Variants in PICALM observed in about 807,000 individuals in gnomAD.
PICALM encodes phosphatidylinositol-binding clathrin assembly protein.
In PICALM, 40 loss-of-function variants were observed where a neutral mutation model predicts 80.5. That is an observed-to-expected ratio of 0.50 (90% confidence interval 0.39 to 0.65). The LOEUF (loss-of-function observed/expected upper bound fraction) is 0.65, where lower values mean the gene tolerates loss of function less well. PICALM is among the 30% of genes least tolerant of loss of function. PICALM has a pLI of 0.00. For missense variants in PICALM, 676 were observed against 778.9 expected, an observed-to-expected ratio of 0.87 and a Z score of 1.57; for synonymous variants, 288 against 260.3, an observed-to-expected ratio of 1.11 and a Z score of -1.02.
Position 85,959,064 on chromosome 11 carries a change from G to A in PICALM, c.1945-4C>T. 2 of 1,545,298 alleles carry A rather than the reference G, an allele frequency of 1.3e-6. No individual in the cohort carries two copies. Among genetic ancestry groups the A allele is most frequent in the South Asian group, 1.2e-5 (1 of 85,974 alleles). ...CATCAAGTTACATAAACTGTATCTGGAAAAAAAAAGTGGGTATGTTAATTC... is the reference window on the plus strand; with the variant it reads ...CATCAAGTTACATAAACTGTATCTGAAAAAAAAAAGTGGGTATGTTAATTC... On this transcript the variant is annotated splice_polypyrimidine_tract_variant and splice_region_variant and intron_variant, in intron 19 of 19. Coordinates refer to ENST00000393346, the MANE Select transcript of PICALM (RefSeq NM_007166.4).
intron 19 of PICALM, among the ~76,000 whole-genome samples, chr11:85,960,156 T>G (rs968692674): frequency 2.0e-5 from 3 of 152,036 alleles, no homozygotes; most frequent in Non-Finnish European, 4.4e-5. Flanking sequence ...AGGGTACTAC[T>G]GTTCATTCAA....
At chr11:85,975,243 G>C (rs1025895085) in intron 18 of PICALM, among the ~76,000 whole-genome samples, 1 of 152,160 alleles carries the variant, frequency 6.6e-6, no homozygotes. Context: ...GATCACAAGT[G>C]AAGACAGTTG....
At chr11:86,069,191 A>C (rs1012256185), upstream of PICALM, 1 of 189,778 alleles carries the variant, frequency 5.3e-6, no homozygotes, top group Non-Finnish European at 1.1e-5. Flanking sequence ...TTCCTCTTCG[A>C]CGCCCGCCCT....
At chr11:85,991,853 GT>G (rs1429106375) in intron 12 of PICALM, among the ~76,000 whole-genome samples, 2 of 152,042 alleles carry the variant, frequency 1.3e-5, no homozygotes, top group Non-Finnish European at 1.5e-5. Context: ...GGCACGGTGG[GT>G]TTTTTTGTTT....
intron 8 of PICALM, 27 bp downstream of exon 8, chr11:86,007,514 TG>T: frequency 7.7e-7 from 1 of 1,302,308 alleles, no homozygotes; most frequent in Non-Finnish European, 1.1e-6. Context: ...CAACAGATAG[TG>T]GATTGGTATT....
At chr11:86,048,655 A>C (rs915965604) in intron 1 of PICALM, among the ~76,000 whole-genome samples, 1 of 151,776 alleles carries the variant, frequency 6.6e-6, no homozygotes, top group Non-Finnish European at 1.5e-5. Context: ...AACATGGTGA[A>C]ATCCCAGCTC....
intron 19 of PICALM, 75 bp from the exon 20 acceptor site, chr11:85,959,135 C>A: frequency 9.6e-7 from 1 of 1,043,124 alleles, no homozygotes; most frequent in South Asian, 1.5e-5. Context: ...GCTTTGTGGT[C>A]TTTACCATTT....
chr11:86,007,351 T>C (rs182172760), intron 8 of PICALM, 191 bp downstream of exon 8: 12 of 356,534 alleles, frequency 3.4e-5, no homozygotes, highest in Admixed American at 8.0e-5. Context: ...AGGCAACAAA[T>C]ATAAGTGGTA....
At chr11:86,064,876 C>T (rs948183223) in intron 1 of PICALM, among the ~76,000 whole-genome samples, 6 of 151,786 alleles carry the variant, frequency 4.0e-5, no homozygotes, top group African/African-American at 1.5e-4. Flanking sequence ...GAGTTCAAGA[C>T]CAGCCTGGGC....
chr11:85,999,953 T>C (rs72959197), intron 11 of PICALM, among the ~76,000 whole-genome samples: 24,924 of 152,208 alleles, frequency 0.16, 2,605 homozygotes, highest in Middle Eastern at 0.24. Flanking sequence ...ATGCTTCTGA[T>C]GTTAAAGTTG....
At chr11:86,031,739 TA>T (rs777282173) in intron 1 of PICALM, 128 bp from the exon 2 acceptor site, 3 of 649,676 alleles carry the variant, frequency 4.6e-6, no homozygotes, top group Non-Finnish European at 7.7e-6. Flanking sequence ...GAGATGTTGT[TA>T]AAAATCTCTC....
At chr11:85,996,752 A>G (rs560371490) in intron 12 of PICALM, 74 bp downstream of exon 12, 147 of 902,052 alleles carry the variant, frequency 1.6e-4, no homozygotes, top group Admixed American at 3.6e-4. Flanking sequence ...ATAAAAAACT[A>G]CAAATAAGTA....
At chr11:85,964,940 A>T (rs1476709449) in intron 19 of PICALM, among the ~76,000 whole-genome samples, 2 of 152,250 alleles carry the variant, frequency 1.3e-5, no homozygotes, top group African/African-American at 4.8e-5. Flanking sequence ...TCCTATTTTT[A>T]AAAATTCCTA....
intron 1 of PICALM, among the ~76,000 whole-genome samples, chr11:86,037,412 ACCACGC>A (rs2095862431): frequency 6.6e-6 from 1 of 151,466 alleles, no homozygotes. Context: ...GGCACCTGCT[ACCACGC>A]CCGGCTAATT....
chr11:86,049,938 G>T (rs1231771935), intron 1 of PICALM, among the ~76,000 whole-genome samples: 1 of 151,648 alleles, frequency 6.6e-6, no homozygotes, highest in Non-Finnish European at 1.5e-5. Context: ...GGTGGCTCAC[G>T]CCTGTGATCC....
intron 3 of PICALM, chr11:86,023,522 T>C: frequency 1.0e-6 from 1 of 984,878 alleles, no homozygotes; most frequent in Non-Finnish European, 1.2e-6. Flanking sequence ...CCTCTCATCC[T>C]TCAAGGCTCA....
chr11:86,004,235 T>C (rs1017024162), intron 8 of PICALM, among the ~76,000 whole-genome samples: 2 of 152,044 alleles, frequency 1.3e-5, no homozygotes, highest in Non-Finnish European at 2.9e-5. Context: ...TATTCAGCAA[T>C]AAAGAAGAAT....
At chr11:85,991,449 A>G (rs142132995) in intron 12 of PICALM, among the ~76,000 whole-genome samples, 74 of 152,240 alleles carry the variant, frequency 4.9e-4, no homozygotes, top group Non-Finnish European at 9.3e-4. Context: ...TGGCCTAAGG[A>G]CCAGCTCATT....
intron 1 of PICALM, among the ~76,000 whole-genome samples, chr11:86,033,545 T>G (rs1451430037): frequency 6.6e-6 from 1 of 152,152 alleles, no homozygotes; most frequent in Non-Finnish European, 1.5e-5. Context: ...GTCACCATAT[T>G]AGATAAACTT....
Sources: gnomAD v4.1 joint callset for allele counts (sites outside exome capture counted in the v4.1 genomes callset) on GRCh38, gnomAD v4.1.1 for gene constraint, MANE v1.5 for transcripts, NCBI Gene and HGNC (gene_info 2026-07-23, HGNC 2026-07-21) for gene names.